Variants in NCOA3 observed in about 807,000 individuals in gnomAD.
NCOA3 encodes CBP-interacting protein.
In NCOA3, 51 loss-of-function variants were observed where a neutral mutation model predicts 158.8. The observed-to-expected ratio is 0.32, with a 90% CI of 0.26 to 0.41. The LOEUF (loss-of-function observed/expected upper bound fraction) is 0.41, where lower values mean the gene tolerates loss of function less well. NCOA3 is among the 10% of genes least tolerant of loss of function. The pLI is 1.00. For synonymous variants in NCOA3, 537 were observed against 592.4 expected (o/e 0.91, Z 1.36); for missense variants, 1,510 against 1,746.6 (o/e 0.86, Z 2.41).
At position 47,635,594 on chromosome 20, in the gene NCOA3, A is replaced by T. The variant is rs1317617661; in HGVS notation, c.1385A>T (p.Asn462Ile). The T allele has an allele frequency of 1.2e-6, 2 of 1,614,058 alleles. No homozygotes were observed. Among genetic ancestry groups the T allele is most frequent in the African/African-American group, 1.3e-5 (1 of 74,918 alleles). Residue 462 changes from asparagine (N) to isoleucine (I), a missense_variant, in exon 11 of 23, where the codon AAC becomes ATC. Around this residue, in one of 4 missense-constraint regions of NCOA3, gnomAD observed 1,017 missense variants for 1,098.3 expected, o/e 0.93. Coordinates refer to ENST00000371998, the MANE Select transcript of NCOA3 (RefSeq NM_181659.3). ...SSYQNNNYGL[N>I]MSSPPHGSPG... is the part of the protein sequence containing the mutation. ...TACCAGAACAACAACTATGGGCTCA[A>T]CATGAGTAGCCCCCCACATGGGAGT...
Position 47,652,559 on chromosome 20 carries a change from C to T in NCOA3, c.4100C>T (p.Ser1367Leu). 6.2e-7 allele frequency: 1 copy of T among 1,609,400 alleles called. No homozygotes were observed. Among genetic ancestry groups the T allele is most frequent in the South Asian group, 1.1e-5 (1 of 90,996 alleles). Residue 1367 changes from serine to leucine, a missense_variant, in exon 21 of 23, where the codon TCA becomes TTA. This residue lies in a region of NCOA3 where 180 missense variants were observed against 199.3 expected (regional missense o/e 0.90). Transcript: ENST00000371998. The part of the protein sequence containing the change: ...YQSSEMKGWP[S>L]GNLARNSSFS... The stretch of plus-strand genomic sequence containing the variant: ...TCCTCAGAAATGAAGGGCTGGCCAT[C>T]AGGAAATTTGGCCAGGAACAGGTAA...
chr20:47,527,496 G>A (rs2084476008), intron 1 of NCOA3, among the ~76,000 whole-genome samples: 1 of 152,050 alleles, frequency 6.6e-6, no homozygotes, highest in Admixed American at 6.6e-5. Flanking sequence ...TATGTATATA[G>A]TATATAGACA....
intron 1 of NCOA3, among the ~76,000 whole-genome samples, chr20:47,565,427 G>A (rs1434618396): frequency 6.6e-6 from 1 of 152,104 alleles, no homozygotes; most frequent in Non-Finnish European, 1.5e-5. Context: ...TAGATAGGTA[G>A]GGCAGGGCTG....
intron 1 of NCOA3, among the ~76,000 whole-genome samples, chr20:47,538,651 C>T (rs1288785267): frequency 6.6e-6 from 1 of 152,066 alleles, no homozygotes; most frequent in Non-Finnish European, 1.5e-5. Context: ...AATTCTCCTG[C>T]CTCAGCCTCC....
chr20:47,567,549 A>G (rs1465574941), intron 1 of NCOA3, among the ~76,000 whole-genome samples: 1 of 151,908 alleles, frequency 6.6e-6, no homozygotes, highest in Non-Finnish European at 1.5e-5. Context: ...GTAAAGGTTC[A>G]TGTCATCACA....
At chr20:47,631,231 A>G (rs2086412492) in intron 8 of NCOA3, 1 of 152,258 alleles carries the variant, frequency 6.6e-6, no homozygotes, top group Admixed American at 6.5e-5. Context: ...TTTCATCATT[A>G]TGCAGATCAG....
At chr20:47,515,754 A>C (rs1159783157) in intron 1 of NCOA3, among the ~76,000 whole-genome samples, 1 of 152,194 alleles carries the variant, frequency 6.6e-6, no homozygotes, top group Non-Finnish European at 1.5e-5. Context: ...TGTTAGGATT[A>C]CAGGCGTGAG....
At chr20:47,610,558 GTTAT>G (rs1045597928) in intron 2 of NCOA3, among the ~76,000 whole-genome samples, 3 of 152,124 alleles carry the variant, frequency 2.0e-5, no homozygotes, top group African/African-American at 7.2e-5. Context: ...TGAATTTAAA[GTTAT>G]TTAATGATTA....
rs527468366 is a variant in NCOA3 at position 47,655,631 on chromosome 20, T to C, written c.*2214T>C. On this transcript the variant is annotated 3_prime_UTR_variant, in exon 23 of 23. Transcript: ENST00000371998. The stretch of plus-strand genomic sequence containing the variant: ...CCTGTGCTTTTCAGATAGTATACTC[T>C]CCTGTTTGGAGACAGAGGAAGAACC... The C allele has an allele frequency of 5.2e-5, 8 of 152,730 alleles. No homozygotes were observed. In the East Asian group the frequency reaches 1.5e-3, roughly 29 times the overall value. The allele number at this position is 152,730 out of a possible 1,614,324, so 9.5% of individuals were successfully genotyped here. A position where few individuals can be genotyped will look rare whatever the true frequency, so the allele number is the denominator to read the frequency against.
chr20:47,650,285 C>G (rs978816064), intron 19 of NCOA3, among the ~76,000 whole-genome samples: 2 of 144,048 alleles, frequency 1.4e-5, no homozygotes, highest in African/African-American at 5.2e-5. Context: ...TTGAGAGTCA[C>G]TGTTGCCCAG....
intron 2 of NCOA3, among the ~76,000 whole-genome samples, chr20:47,612,124 GC>G (rs1418198136): frequency 6.6e-6 from 1 of 152,150 alleles, no homozygotes; most frequent in Non-Finnish European, 1.5e-5. Context: ...ACCACACCCA[GC>G]CAAATTATTT....
At chr20:47,647,794 C>T (rs922411692) in intron 18 of NCOA3, among the ~76,000 whole-genome samples, 1 of 151,642 alleles carries the variant, frequency 6.6e-6, no homozygotes, top group Non-Finnish European at 1.5e-5. Context: ...TCTGTTTACC[C>T]TATTGTTTTC....
intron 17 of NCOA3, among the ~76,000 whole-genome samples, chr20:47,645,453 CTAAGTT>C (rs1454425187): frequency 1.3e-5 from 2 of 152,112 alleles, no homozygotes; most frequent in Admixed American, 6.6e-5. Context: ...GCACATAAGT[CTAAGTT>C]TTTCTGTTCT....
intron 2 of NCOA3, among the ~76,000 whole-genome samples, chr20:47,615,415 G>C (rs1444429246): frequency 6.6e-6 from 1 of 151,970 alleles, no homozygotes; most frequent in Non-Finnish European, 1.5e-5. Context: ...TTTCCTTTTG[G>C]ACAGGGCGTA....
In NCOA3 at chr20:47,627,136, A is replaced by C. The variant is rs2086335486; in HGVS notation, c.492A>C (p.Glu164Asp). 2 of 1,610,226 alleles carry C rather than the reference A, an allele frequency of 1.2e-6. No homozygotes were observed. The highest frequency in any genetic ancestry group is 3.4e-5 in the Admixed American group (2 of 59,408). The change falls in exon 6 of 23, where the codon GAA becomes GAC. Residue 164 changes from glutamate to aspartate, a missense_variant. By Grantham distance (45) the Glu-to-Asp change is conservative (BLOSUM62 2). Transcript: ENST00000371998. ...GTGTTTACAATATCTTACATGAAGA[A>C]GACAGAAAGGATTTTCTTAAGAATT... The part of the protein sequence containing the change: ...NTSVYNILHE[E>D]DRKDFLKNLP...
chr20:47,513,600 C>G (rs1328945679), intron 1 of NCOA3, among the ~76,000 whole-genome samples: 1 of 151,834 alleles, frequency 6.6e-6, no homozygotes, highest in African/African-American at 2.4e-5. Flanking sequence ...GTGACACACA[C>G]CTATAATCCC....
intron 18 of NCOA3, 73 bp downstream of exon 18, chr20:47,647,439 C>G (rs895423511): frequency 7.3e-7 from 1 of 1,378,386 alleles, no homozygotes; most frequent in East Asian, 2.3e-5. Context: ...AGTGTTCTTA[C>G]CACTGGTGCA....
At position 47,532,163 on chromosome 20, in the gene NCOA3, C is replaced by A. The variant is rs1602357417; in HGVS notation, c.-99+30144C>A. Among the ~76,000 whole-genome samples the A allele has an allele frequency of 2.1e-5, 3 of 139,988 alleles. 1 individual carries two copies. The South Asian group carries it at 6.6e-4, about 31-fold the overall frequency. The allele number at this position is 139,988 out of a possible 152,430, so 91.8% of individuals were successfully genotyped here. A position where few individuals can be genotyped will look rare whatever the true frequency, so the allele number is the denominator to read the frequency against. ...GTTGCAGGGTTTACGTTTTAGATATCATGGTAAGTTTTGCTAAGTAAGTGA... is the reference window on the plus strand; with the variant it reads ...GTTGCAGGGTTTACGTTTTAGATATAATGGTAAGTTTTGCTAAGTAAGTGA... On this transcript the variant is annotated intron_variant, in intron 1 of 22. Transcript: ENST00000371998.
chr20:47,588,593 A>G (rs2146233628), intron 2 of NCOA3, among the ~76,000 whole-genome samples: 1 of 152,316 alleles, frequency 6.6e-6, no homozygotes, highest in Non-Finnish European at 1.5e-5. Context: ...TCAAAAGTCA[A>G]AATTATACAA....
Sources: gnomAD v4.1 joint callset for allele counts (sites outside exome capture counted in the v4.1 genomes callset) on GRCh38, gnomAD v4.1.1 for gene constraint, gnomAD v4.1.1 regional missense constraint, MANE v1.5 for transcripts, NCBI Gene and HGNC (gene_info 2026-07-23, HGNC 2026-07-21) for gene names.